Variants in SLC25A35 observed in about 807,000 individuals in gnomAD.
SLC25A35 encodes solute carrier family 25, member 35.
SLC25A35 carries 32 observed loss-of-function variants against 30.5 expected under a neutral mutation model. That is an observed-to-expected ratio of 1.05 (90% CI 0.79 to 1.41). The LOEUF is 1.41. Among genes scored for constraint, SLC25A35 ranks in the 40% most tolerant of loss-of-function variants. The probability of loss-of-function intolerance (pLI) is 0.00; values close to 1 mark genes in which losing one functional copy is unlikely to be tolerated. For missense variants in SLC25A35, 369 were observed against 388.0 expected (o/e 0.95, Z 0.41); for synonymous variants, 142 against 158.1 (o/e 0.90, Z 0.77).
At position 8,290,279 on chromosome 17, in the gene SLC25A35, G is replaced by T. The variant is rs1241185027; in HGVS notation, c.*226C>A. 1 of 1,426,752 alleles carries T rather than the reference G, an allele frequency of 7.0e-7. No homozygotes were observed. Among genetic ancestry groups the T allele is most frequent in the Admixed American group, 2.9e-5 (1 of 34,520 alleles). 88.4% of individuals were successfully genotyped at this position (1,426,752 alleles called of 1,614,324 possible). The stretch of plus-strand genomic sequence containing the variant: ...TGACTCGTTCAGCCCTGAGAGAGGG[G>T]TGTGAGTTACCCAGGGAATGGGTAG... On this transcript the variant is annotated 3_prime_UTR_variant, in exon 5 of 5. Transcript: ENST00000577745.
Position 8,295,090 on chromosome 17 carries a change from A to G in SLC25A35, c.-283T>C. 8.5e-7 allele frequency: 1 copy of G among 1,173,764 alleles called. No homozygotes were observed. The allele number at this position is 1,173,764 out of a possible 1,614,324, so 72.7% of individuals were successfully genotyped here. A position where few individuals can be genotyped will look rare whatever the true frequency, so the allele number is the denominator to read the frequency against. On this transcript the variant is annotated 5_prime_UTR_variant, in exon 1 of 5. Transcript: ENST00000577745. ...CTCTGAGGTCAAGGAGGGGCAAAAG[A>G]CAGAAGGTTGCAGGTGGGATGGCTC...
chr17:8,290,159 C>T lies in SLC25A35; in HGVS notation c.*346G>A. On this transcript the variant is annotated 3_prime_UTR_variant, in exon 5 of 5. Transcript: ENST00000577745. ...CGCCTGGGAATTGGGTCTCTCGATT[C>T]CCTTTGGTTTTGGAGGGAGGAGTTT... 1 of 1,438,080 alleles carries T rather than the reference C, an allele frequency of 7.0e-7. No homozygotes were observed. The highest frequency in any genetic ancestry group is 9.1e-7 in the Non-Finnish European group (1 of 1,100,498). The allele number at this position is 1,438,080 out of a possible 1,614,324, so 89.1% of individuals were successfully genotyped here. A position where few individuals can be genotyped will look rare whatever the true frequency, so the allele number is the denominator to read the frequency against.
chr17:8,290,785 C>A, intron 4 of SLC25A35, 57 bp downstream of exon 4: 6 of 1,604,892 alleles, frequency 3.7e-6, no homozygotes, highest in Non-Finnish European at 5.1e-6. Flanking sequence ...CACCTGCACC[C>A]GCAATCTGCC....
At position 8,291,421 on chromosome 17, in the gene SLC25A35, G is replaced by GCCCCACGCCATAACCCCACCAGAC. The variant is rs1990493686; in HGVS notation, c.482_505dup (p.Gly161_Gly168dup). 6.2e-7 allele frequency: 1 copy of GCCCCACGCCATAACCCCACCAGAC among 1,614,080 alleles called. No individual in the cohort carries two copies. Among genetic ancestry groups the GCCCCACGCCATAACCCCACCAGAC allele is most frequent in the Non-Finnish European group, 8.5e-7 (1 of 1,180,038 alleles). ...GATAACTCGGGGCAGGCCGCCCAGA[G>GCCCCACGCCATAACCCCACCAGAC]CCCCACGCCATAACCCCACCAGACC... On this transcript the variant is annotated inframe_insertion, in exon 3 of 5. Transcript: ENST00000577745.
chr17:8,290,899 T>A lies in SLC25A35; in HGVS notation c.672A>T (p.Ala224=), dbSNP rs1423236956. 1 of 1,613,986 alleles carries A rather than the reference T, an allele frequency of 6.2e-7. No individual in the cohort carries two copies. Among genetic ancestry groups the A allele is most frequent in the South Asian group, 1.1e-5 (1 of 91,078 alleles). Residue 224 remains alanine, a synonymous_variant, in exon 4 of 5, where the codon GCA becomes GCT. Coordinates refer to ENST00000577745, the MANE Select transcript of SLC25A35 (RefSeq NM_001320870.2). The stretch of plus-strand genomic sequence containing the variant: ...GCCTTGTGCAGGCCACATCAAAGGG[T>A]GCCATGGCCAAGACAACTGCAATGC... ...MSGIAVVLAM[A]PFDVACTRLY...
downstream of SLC25A35, chr17:8,288,393 A>G (rs1378255632): frequency 6.5e-6 from 2 of 305,982 alleles, no homozygotes; most frequent in Non-Finnish European, 1.3e-5. Flanking sequence ...GTGAGCGGTG[A>G]TCGCGCCACT....
chr17:8,289,781 T>C (rs770915589), downstream of SLC25A35: 1 of 1,613,630 alleles, frequency 6.2e-7, no homozygotes, highest in South Asian at 1.1e-5. Flanking sequence ...GCCTGGATGA[T>C]GTTCTGTCTC....
At chr17:8,289,809 C>A, downstream of SLC25A35, 1 of 1,613,818 alleles carries the variant, frequency 6.2e-7, no homozygotes, top group Non-Finnish European at 8.5e-7. Flanking sequence ...TCCCCCACCC[C>A]AAGCCCTGAC....
chr17:8,293,557 T>C (rs538595054), intron 1 of SLC25A35, among the ~76,000 whole-genome samples: 353 of 150,072 alleles, frequency 2.4e-3, no homozygotes, highest in African/African-American at 6.3e-3. Context: ...CTTTTCTTTT[T>C]TTTTTTTTTT....
At chr17:8,289,389 A>G, downstream of SLC25A35, 1 of 1,614,106 alleles carries the variant, frequency 6.2e-7, no homozygotes, top group East Asian at 2.2e-5. Context: ...TCTGGCAAGC[A>G]GCAGATAGCT....
At chr17:8,294,270 A>G (rs1162833675) in intron 1 of SLC25A35, among the ~76,000 whole-genome samples, 163 bp downstream of exon 1, 1 of 152,128 alleles carries the variant, frequency 6.6e-6, no homozygotes, top group Non-Finnish European at 1.5e-5. Context: ...ATGGGTGTGT[A>G]TAGGGCAGAT....
In SLC25A35 at chr17:8,290,347, C is replaced by T; in HGVS notation, c.*158G>A. 6.9e-7 allele frequency: 1 copy of T among 1,438,946 alleles called. No homozygotes were observed. The highest frequency in any genetic ancestry group is 2.6e-4 in the Middle Eastern group (1 of 3,904). The allele number at this position is 1,438,946 out of a possible 1,614,324, so 89.1% of individuals were successfully genotyped here. On this transcript the variant is annotated 3_prime_UTR_variant, in exon 5 of 5. Coordinates refer to ENST00000577745, the MANE Select transcript of SLC25A35 (RefSeq NM_001320870.2). Reference sequence around the variant, plus strand: ...ACCCAAGGAAAGAAGGGAAACTCATCTCTTGTAGTGATTCAACCCTGAGAA... The same window carrying T: ...ACCCAAGGAAAGAAGGGAAACTCATTTCTTGTAGTGATTCAACCCTGAGAA...
At position 8,290,516 on chromosome 17, in the gene SLC25A35, CTG is replaced by C. The variant is rs1423878713; in HGVS notation, c.890_891del (p.Thr297ArgfsTer3). 43 of 1,535,774 alleles carry C rather than the reference CTG, an allele frequency of 2.8e-5. No individual in the cohort carries two copies. The East Asian group carries it at 5.4e-4, about 19-fold the overall frequency. ...TGGGAAAGCGGCTGTTATTTAGTGTCTGTGTAGTAGAGGGAGCGCAGCTGGTC... is the reference window on the plus strand; with the variant it reads ...TGGGAAAGCGGCTGTTATTTAGTGTCTGTAGTAGAGGGAGCGCAGCTGGTC... Reference protein sequence around the residue: ...FWDQLRSLYYTDTK With the variant: ...FWDQLRSLYYXDTK On this transcript the variant is annotated frameshift_variant, in exon 5 of 5. Coordinates refer to ENST00000577745, the MANE Select transcript of SLC25A35 (RefSeq NM_001320870.2). LOFTEE classifies it high-confidence loss of function.
chr17:8,289,380 C>A, downstream of SLC25A35: 1 of 1,614,090 alleles, frequency 6.2e-7, no homozygotes, highest in African/African-American at 1.3e-5. Flanking sequence ...TGGGTCCTCT[C>A]TGGCAAGCAG....
Position 8,290,991 on chromosome 17 carries a change from A to G in SLC25A35, c.595-15T>C, listed in dbSNP as rs1342959694. The G allele has an allele frequency of 6.2e-7, 1 of 1,613,800 alleles. No individual in the cohort carries two copies. Among genetic ancestry groups the G allele is most frequent in the Non-Finnish European group, 8.5e-7 (1 of 1,179,878 alleles). ...GGAGGAAAGATCTAAGGGGGTAGAG[A>G]GGAAGAGCGTTGTCAACCAGCCAAC... On this transcript the variant is annotated splice_polypyrimidine_tract_variant and intron_variant, in intron 3 of 4. Transcript: ENST00000577745.
At chr17:8,292,230 C>T (rs1037312804) in intron 2 of SLC25A35, among the ~76,000 whole-genome samples, 1 of 150,956 alleles carries the variant, frequency 6.6e-6, no homozygotes, top group Non-Finnish European at 1.5e-5. Flanking sequence ...TGGTGGTGCA[C>T]GCCTGTAGTC....
downstream of SLC25A35, chr17:8,289,713 G>C: frequency 6.2e-7 from 1 of 1,613,398 alleles, no homozygotes; most frequent in Non-Finnish European, 8.5e-7. Flanking sequence ...CCAGAGGTTT[G>C]GGGTAACTGA....
intron 2 of SLC25A35, among the ~76,000 whole-genome samples, chr17:8,291,989 C>G (rs1169610133): frequency 1.3e-5 from 2 of 152,102 alleles, no homozygotes; most frequent in African/African-American, 4.8e-5. Flanking sequence ...CGAGACCAGC[C>G]TGACCAACAT....
At chr17:8,288,596 T>C (rs1990224937), downstream of SLC25A35, 2 of 669,824 alleles carry the variant, frequency 3.0e-6, no homozygotes, top group African/African-American at 1.8e-5. Flanking sequence ...GCAAAGCCGC[T>C]GACCCCCGCC....
Sources: gnomAD v4.1 joint callset for allele counts (sites outside exome capture counted in the v4.1 genomes callset) on GRCh38, gnomAD v4.1.1 for gene constraint, MANE v1.5 for transcripts, NCBI Gene and HGNC (gene_info 2026-07-23, HGNC 2026-07-21) for gene names.